Variants in ST8SIA6 observed in about 807,000 individuals in gnomAD.
ST8SIA6 encodes the protein alpha-2,8-sialyltransferase 8F.
ST8SIA6 carries 39 observed loss-of-function variants against 33.6 expected under a neutral mutation model. That is an observed-to-expected ratio of 1.16 (90% CI 0.90 to 1.52). ST8SIA6 has a LOEUF of 1.52. Ranked by LOEUF, ST8SIA6 falls within the 40% of genes most tolerant of loss-of-function variation. The probability of loss-of-function intolerance (pLI) is 0.00; values close to 1 mark genes in which losing one functional copy is unlikely to be tolerated. For synonymous variants in ST8SIA6, 172 were observed against 167.2 expected (o/e 1.03, Z -0.22); for missense variants, 441 against 443.8 (o/e 0.99, Z 0.06).
intron 2 of ST8SIA6, among the ~76,000 whole-genome samples, chr10:17,424,319 G>C (rs1204789423): frequency 6.6e-6 from 1 of 152,088 alleles, no homozygotes; most frequent in Non-Finnish European, 1.5e-5. Flanking sequence ...GCACAGGCTG[G>C]TCTCGAGCTC....
At chr10:17,432,674 GA>G (rs1277229806) in intron 2 of ST8SIA6, among the ~76,000 whole-genome samples, 24 of 152,280 alleles carry the variant, frequency 1.6e-4, no homozygotes, top group African/African-American at 5.5e-4. Flanking sequence ...AGATGAGTGA[GA>G]CCTGTTAAAG....
chr10:17,318,571 T>C lies in ST8SIA6; in HGVS notation c.*2307A>G, dbSNP rs1467320309. The stretch of plus-strand genomic sequence containing the variant: ...TCAGACTTTCCATTCTCAATGCCCT[T>C]AGATGTACTTGAGTTTTAAGAGCAG... On this transcript the variant is annotated 3_prime_UTR_variant, in exon 8 of 8. Transcript: ENST00000377602. The C allele has an allele frequency of 2.3e-6, 1 of 426,608 alleles. No homozygotes were observed. The highest frequency in any genetic ancestry group is 2.8e-5 in the Admixed American group (1 of 36,028). 26.4% of individuals were successfully genotyped at this position (426,608 alleles called of 1,614,324 possible).
chr10:17,417,600 C>T (rs1851645153), intron 2 of ST8SIA6, among the ~76,000 whole-genome samples: 1 of 151,990 alleles, frequency 6.6e-6, no homozygotes, highest in South Asian at 2.1e-4. Flanking sequence ...ATGCTCCCTG[C>T]ACATTCTCCA....
chr10:17,429,695 G>T (rs552225398), intron 2 of ST8SIA6, among the ~76,000 whole-genome samples: 14 of 152,024 alleles, frequency 9.2e-5, no homozygotes, highest in African/African-American at 3.1e-4. Flanking sequence ...ATGTTGCCCA[G>T]GCTGGTCTTG....
At chr10:17,324,705 G>GAA (rs2131577081) in intron 6 of ST8SIA6, among the ~76,000 whole-genome samples, 1 of 79,348 alleles carries the variant, frequency 1.3e-5, no homozygotes, top group East Asian at 4.8e-4. Context: ...TGAATATAGA[G>GAA]TATACACACA....
intron 4 of ST8SIA6, among the ~76,000 whole-genome samples, chr10:17,355,679 T>C (rs1849168062): frequency 6.6e-6 from 1 of 152,232 alleles, no homozygotes; most frequent in South Asian, 2.1e-4. Context: ...CCGAATACTT[T>C]CCCTAAAACA....
At chr10:17,400,048 A>T (rs1010754831) in intron 2 of ST8SIA6, among the ~76,000 whole-genome samples, 1 of 152,174 alleles carries the variant, frequency 6.6e-6, no homozygotes, top group Non-Finnish European at 1.5e-5. Flanking sequence ...ACCTTTGCAG[A>T]TCAGGAATAT....
At chr10:17,356,781 G>A (rs1849205429) in intron 4 of ST8SIA6, among the ~76,000 whole-genome samples, 1 of 151,976 alleles carries the variant, frequency 6.6e-6, no homozygotes, top group Admixed American at 6.6e-5. Context: ...ATGTGAAAAT[G>A]GTACTAAGGT....
Position 17,353,186 on chromosome 10 carries a change from G to C in ST8SIA6, c.377+6328C>G, listed in dbSNP as rs1025588642. 2.0e-5 allele frequency among the ~76,000 whole-genome samples: 3 copies of C among 148,880 alleles called. No individual in the cohort carries two copies. The East Asian group carries it at 5.8e-4, about 29-fold the overall frequency. On this transcript the variant is annotated intron_variant, in intron 4 of 7. Transcript: ENST00000377602. ...CAATAAATGTTAATTGAATGAAAAA[G>C]TGTAAGCTCACAAAACACTTACCAA... is the stretch of plus-strand genomic sequence containing the variant.
At chr10:17,412,141 C>A (rs17445713) in intron 2 of ST8SIA6, among the ~76,000 whole-genome samples, 2,042 of 152,174 alleles carry the variant, frequency 0.013, 26 homozygotes, top group Non-Finnish European at 0.022. Flanking sequence ...CTTTGGGGAT[C>A]CCTCTTGACC....
chr10:17,430,236 T>A (rs1852061557), intron 2 of ST8SIA6, among the ~76,000 whole-genome samples: 1 of 152,364 alleles, frequency 6.6e-6, no homozygotes, highest in African/African-American at 2.4e-5. Flanking sequence ...TTATTTTGTT[T>A]CTTCTTATGG....
intron 3 of ST8SIA6, among the ~76,000 whole-genome samples, chr10:17,374,071 CCACACACA>C (rs58234998): frequency 0.01 from 1,409 of 139,104 alleles, 17 homozygotes; most frequent in African/African-American, 0.032. Flanking sequence ...TCAACAACCA[CCACACACA>C]CACACACACA....
At chr10:17,333,702 TATATATATATA>T (rs1848390959) in intron 4 of ST8SIA6, among the ~76,000 whole-genome samples, 8 of 28,594 alleles carry the variant, frequency 2.8e-4, no homozygotes, top group Non-Finnish European at 4.3e-4. Flanking sequence ...TATATATATA[TATATATATATA>T]TATATTTTTT....
chr10:17,344,469 C>T (rs1289032776), intron 4 of ST8SIA6, among the ~76,000 whole-genome samples: 5 of 152,296 alleles, frequency 3.3e-5, no homozygotes, highest in South Asian at 4.1e-4. Flanking sequence ...ATAAAACCAT[C>T]GGATCTCATG....
intron 3 of ST8SIA6, among the ~76,000 whole-genome samples, chr10:17,376,515 A>G (rs1359697408): frequency 6.6e-6 from 1 of 152,314 alleles, no homozygotes; most frequent in African/African-American, 2.4e-5. Flanking sequence ...AAACAACAGA[A>G]GCAGAAAAAC....
intron 2 of ST8SIA6, among the ~76,000 whole-genome samples, chr10:17,431,899 T>A (rs1588919651): frequency 2.0e-5 from 3 of 151,072 alleles, no homozygotes; most frequent in Admixed American, 2.0e-4. Flanking sequence ...CTGTGAAATA[T>A]ATGTGGTGTC....
At chr10:17,406,416 C>G (rs573565929) in intron 2 of ST8SIA6, among the ~76,000 whole-genome samples, 49 of 152,312 alleles carry the variant, frequency 3.2e-4, no homozygotes, top group African/African-American at 1.2e-3. Context: ...TGTCACTTCT[C>G]TGAGCTGTAT....
chr10:17,327,092 C>T lies in ST8SIA6; in HGVS notation c.557G>A (p.Cys186Tyr), dbSNP rs1848158218. 1 of 1,609,186 alleles carries T rather than the reference C, an allele frequency of 6.2e-7. No individual in the cohort carries two copies. Among genetic ancestry groups the T allele is most frequent in the African/African-American group, 1.3e-5 (1 of 74,546 alleles). The change falls in exon 6 of 8, where the codon TGT becomes TAT. Residue 186 changes from cysteine (C) to tyrosine (Y), a missense_variant. Physicochemically the swap from Cys to Tyr is radical, Grantham distance 194. Coordinates refer to ENST00000377602, the MANE Select transcript of ST8SIA6 (RefSeq NM_001004470.3). Reference protein sequence around the residue: ...QPFVDYPYNQCAVVGNGGILN... With the variant: ...QPFVDYPYNQYAVVGNGGILN... ...AATTCCCCCATTTCCGACCACTGCA[C>T]ACTGATTATAAGGGTAGTCCACAAA...
At chr10:17,337,692 A>G (rs574723270) in intron 4 of ST8SIA6, among the ~76,000 whole-genome samples, 9 of 152,340 alleles carry the variant, frequency 5.9e-5, no homozygotes, top group African/African-American at 2.2e-4. Flanking sequence ...TATCTCTATT[A>G]TGCTATTTCC....
Sources: allele counts gnomAD v4.1 joint callset (sites outside exome capture counted in the v4.1 genomes callset), GRCh38; gene constraint gnomAD v4.1.1; transcripts MANE v1.5; gene names NCBI Gene and HGNC (gene_info 2026-07-23, HGNC 2026-07-21).